ARHGAP42: variants seen among roughly 807,000 people sequenced by gnomAD.
ARHGAP42 encodes Rho GTPase activating protein 42, also known as rho GTPase-activating protein 42.
Under a neutral mutation model 125.0 loss-of-function variants are expected in ARHGAP42, and 63 were observed. The observed-to-expected ratio is 0.50, with a 90% CI of 0.41 to 0.62. ARHGAP42 has a LOEUF of 0.62. Among genes scored for constraint, ARHGAP42 ranks in the 20% least tolerant of loss-of-function variants. The pLI, the probability that ARHGAP42 is intolerant of heterozygous loss-of-function variation, is 0.00. For missense variants in ARHGAP42, 766 were observed against 1,024.2 expected, an observed-to-expected ratio of 0.75 and a Z score of 3.44; for synonymous variants, 339 against 351.0, an observed-to-expected ratio of 0.97 and a Z score of 0.38.
intron 1 of ARHGAP42, among the ~76,000 whole-genome samples, chr11:100,691,286 T>A (rs1246391699): frequency 1.2e-5 from 1 of 86,516 alleles, no homozygotes; most frequent in Non-Finnish European, 2.2e-5. Context: ...AAAAGTAGGT[T>A]ACTTTTGCTT....
intron 4 of ARHGAP42, among the ~76,000 whole-genome samples, chr11:100,895,723 C>A (rs150787498): frequency 1.3e-5 from 2 of 152,180 alleles, no homozygotes; most frequent in Middle Eastern, 3.4e-3. Flanking sequence ...ATGCACACAT[C>A]TCATTGCTAG....
rs2135316819 is a variant in ARHGAP42, at chr11:100,973,435, T to C, written c.1710+101T>C. On this transcript the variant is annotated intron_variant, in intron 18 of 23. Transcript: ENST00000298815. ...AGCTCATGAGTTTTGTATAAATTACTTCTTAATGGGGACTTCAGTTTTCTT... is the reference window on the plus strand; with the variant it reads ...AGCTCATGAGTTTTGTATAAATTACCTCTTAATGGGGACTTCAGTTTTCTT... 4.2e-6 allele frequency: 5 copies of C among 1,180,302 alleles called. No individual in the cohort carries two copies. In the South Asian group the frequency reaches 7.3e-5, roughly 17 times the overall value. The allele number at this position is 1,180,302 out of a possible 1,614,324, so 73.1% of individuals were successfully genotyped here.
intron 4 of ARHGAP42, among the ~76,000 whole-genome samples, chr11:100,877,987 G>C (rs1193277878): frequency 2.9e-5 from 4 of 136,956 alleles, no homozygotes; most frequent in African/African-American, 1.1e-4. Context: ...CCTGGGTGAC[G>C]CAGCGAGACT....
chr11:100,987,662 G>A, intron 23 of ARHGAP42, 70 bp downstream of exon 23: 1 of 1,405,722 alleles, frequency 7.1e-7, no homozygotes, highest in Non-Finnish European at 9.8e-7. Context: ...ATGGTGGTAT[G>A]AGTCTAAAGT....
intron 1 of ARHGAP42, 51 bp from the exon 2 acceptor site, chr11:100,770,292 G>A: frequency 8.2e-7 from 1 of 1,219,146 alleles, no homozygotes; most frequent in Non-Finnish European, 1.1e-6. Context: ...AACTCATTCG[G>A]ATTCAGTGGA....
intron 2 of ARHGAP42, among the ~76,000 whole-genome samples, chr11:100,772,375 C>T (rs1006601908): frequency 3.3e-5 from 5 of 152,176 alleles, no homozygotes; most frequent in Admixed American, 2.6e-4. Flanking sequence ...TGATCATATT[C>T]GCAGTCTTTC....
At chr11:100,941,204 G>A (rs771139895) in intron 8 of ARHGAP42, among the ~76,000 whole-genome samples, 12 of 152,154 alleles carry the variant, frequency 7.9e-5, no homozygotes, top group East Asian at 1.9e-4. Flanking sequence ...CCAGCAAGGC[G>A]GGCAGTGTAG....
At chr11:100,901,838 G>A (rs1866560702) in intron 4 of ARHGAP42, among the ~76,000 whole-genome samples, 1 of 152,194 alleles carries the variant, frequency 6.6e-6, no homozygotes, top group South Asian at 2.1e-4. Context: ...CCTTGGCTAG[G>A]AAAGGGAAAT....
intron 3 of ARHGAP42, among the ~76,000 whole-genome samples, chr11:100,840,182 G>A (rs947613957): frequency 6.6e-6 from 1 of 152,114 alleles, no homozygotes; most frequent in South Asian, 2.1e-4. Flanking sequence ...ACAGCTAAAT[G>A]TTTCTACATT....
intron 4 of ARHGAP42, among the ~76,000 whole-genome samples, chr11:100,909,580 A>G (rs544309567): frequency 5.7e-4 from 87 of 152,034 alleles, no homozygotes; most frequent in African/African-American, 2.0e-3. Context: ...CTGACCTCGG[A>G]CGATCCATCT....
intron 3 of ARHGAP42, among the ~76,000 whole-genome samples, chr11:100,805,698 A>G (rs1863971866): frequency 6.6e-6 from 1 of 152,208 alleles, no homozygotes; most frequent in African/African-American, 2.4e-5. Flanking sequence ...AAAGGGGTGG[A>G]CAGTTCCTGG....
At chr11:100,810,981 A>C (rs1864125561) in intron 3 of ARHGAP42, among the ~76,000 whole-genome samples, 1 of 152,146 alleles carries the variant, frequency 6.6e-6, no homozygotes, top group African/African-American at 2.4e-5. Context: ...GGAGGGACAG[A>C]GTCTCACTGT....
intron 3 of ARHGAP42, among the ~76,000 whole-genome samples, chr11:100,801,267 G>A (rs1863845408): frequency 6.6e-6 from 1 of 152,086 alleles, no homozygotes; most frequent in African/African-American, 2.4e-5. Context: ...AATATTTTTA[G>A]TGTACCAGGA....
intron 1 of ARHGAP42, among the ~76,000 whole-genome samples, chr11:100,711,750 G>GT (rs572681522): frequency 6.6e-6 from 1 of 152,306 alleles, no homozygotes; most frequent in South Asian, 2.1e-4. Context: ...GAAAGGTCAG[G>GT]AAGCCAATAG....
chr11:100,803,219 A>AG (rs1863905531), intron 3 of ARHGAP42, among the ~76,000 whole-genome samples: 1 of 151,686 alleles, frequency 6.6e-6, no homozygotes, highest in Non-Finnish European at 1.5e-5. Flanking sequence ...CTACTAAAAA[A>AG]AAAAAAATTG....
chr11:100,802,171 A>G (rs1233280006), intron 3 of ARHGAP42, among the ~76,000 whole-genome samples: 1 of 152,214 alleles, frequency 6.6e-6, no homozygotes, highest in Admixed American at 6.5e-5. Context: ...GATCACAGCT[A>G]ACTTGGCTTT....
At chr11:100,889,522 CT>C (rs1866170292) in intron 4 of ARHGAP42, among the ~76,000 whole-genome samples, 1 of 152,136 alleles carries the variant, frequency 6.6e-6, no homozygotes, top group African/African-American at 2.4e-5. Flanking sequence ...AATAAATAAA[CT>C]TCTGTTCTTT....
chr11:100,779,153 A>T (rs1863204894), intron 2 of ARHGAP42, among the ~76,000 whole-genome samples: 1 of 152,012 alleles, frequency 6.6e-6, no homozygotes, highest in African/African-American at 2.4e-5. Flanking sequence ...TATTAACAAT[A>T]ATATATATAC....
chr11:100,900,418 G>A (rs1454589509), intron 4 of ARHGAP42, among the ~76,000 whole-genome samples: 3 of 152,098 alleles, frequency 2.0e-5, no homozygotes, highest in Non-Finnish European at 2.9e-5. Context: ...TATCTTTGTG[G>A]TGTTCTCTGT....
Sources: gnomAD v4.1 joint callset for allele counts (sites outside exome capture counted in the v4.1 genomes callset) on GRCh38, gnomAD v4.1.1 for gene constraint, MANE v1.5 for transcripts, NCBI Gene and HGNC (gene_info 2026-07-23, HGNC 2026-07-21) for gene names.